Variants in HTR2C observed in about 807,000 individuals in gnomAD.
HTR2C encodes 5-hydroxytryptamine (serotonin) receptor 2C, G protein-coupled.
In HTR2C, 5 loss-of-function variants were observed where a neutral mutation model predicts 21.0. The observed-to-expected ratio is 0.24, with a 90% CI of 0.12 to 0.50. The LOEUF (loss-of-function observed/expected upper bound fraction) is 0.50. Among genes scored for constraint, HTR2C ranks in the 20% least tolerant of loss-of-function variants. The pLI is 0.98. For missense variants in HTR2C, 271 were observed against 371.2 expected, an observed-to-expected ratio of 0.73 and a Z score of 2.22; for synonymous variants, 150 against 145.3, an observed-to-expected ratio of 1.03 and a Z score of -0.23.
chrX:114,635,429 G>C (rs1215486254), intron 2 of HTR2C, among the ~76,000 whole-genome samples: 1 of 111,676 alleles, frequency 9.0e-6, no homozygotes, highest in African/African-American at 3.3e-5. Context: ...GGTCTACAGC[G>C]GATCAATCAA....
intron 2 of HTR2C, among the ~76,000 whole-genome samples, chrX:114,645,029 C>A (rs1930310830): frequency 9.1e-6 from 1 of 110,324 alleles, no homozygotes; most frequent in East Asian, 2.9e-4. Context: ...TTATGGGCAA[C>A]TGGAAGGAAA....
chrX:114,870,409 T>C (rs1481049933), intron 5 of HTR2C, among the ~76,000 whole-genome samples: 1 of 111,319 alleles, frequency 9.0e-6, no homozygotes, highest in Non-Finnish European at 1.9e-5. Flanking sequence ...GTGTCTGTCT[T>C]TTTTTGGTAT....
At chrX:114,782,477 G>C (rs1287802926) in intron 4 of HTR2C, among the ~76,000 whole-genome samples, 1 of 111,562 alleles carries the variant, frequency 9.0e-6, no homozygotes, top group Non-Finnish European at 1.9e-5. Context: ...AACACTTTGG[G>C]AGGCCAACGT....
At chrX:114,847,857 A>G in intron 4 of HTR2C, 146 bp from the exon 5 acceptor site, 1 of 444,208 alleles carries the variant, frequency 2.3e-6, no homozygotes, top group Non-Finnish European at 3.9e-6. Context: ...GATCACCATC[A>G]TCATCCCTAT....
chrX:114,730,257 C>A (rs2069522945), intron 3 of HTR2C, among the ~76,000 whole-genome samples: 1 of 112,001 alleles, frequency 8.9e-6, no homozygotes, highest in African/African-American at 3.2e-5. Flanking sequence ...ATGACAACCA[C>A]ATCCATCTCT....
chrX:114,689,208 G>GTATATATATATATATATATATATA lies in HTR2C; in HGVS notation c.-79-37627_-79-37626insATATATATATATATATATATATAT, dbSNP rs58916694. Among the ~76,000 whole-genome samples the GTATATATATATATATATATATATA allele has an allele frequency of 1.0e-3, 75 of 72,667 alleles. 1 individual carries two copies. Among genetic ancestry groups the GTATATATATATATATATATATATA allele is most frequent in the African/African-American group, 2.1e-3 (39 of 18,478 alleles). The allele number at this position is 72,667 out of a possible 115,157, so 63.1% of individuals were successfully genotyped here. On this transcript the variant is annotated intron_variant, in intron 2 of 5. Transcript: ENST00000276198. Reference sequence around the variant, plus strand: ...GAGTAGTATTCCATGGTATGTATGCGTATATATATATATATATATATATCA... The same window carrying GTATATATATATATATATATATATA: ...GAGTAGTATTCCATGGTATGTATGCGTATATATATATATATATATATATATATATATATATATATATATATATCA...
rs782115060 is a variant in HTR2C at position 114,893,378 on chromosome X, T to A, written c.551-13211T>A. 4.4e-4 allele frequency among the ~76,000 whole-genome samples: 49 copies of A among 111,693 alleles called. 1 individual carries two copies. The South Asian group carries it at 0.017, about 38-fold the overall frequency. On this transcript the variant is annotated intron_variant, in intron 5 of 5. Transcript: ENST00000276198. Reference sequence around the variant, plus strand: ...TAAAGAAATAAATCAATGCAATTTTTAAAAAATAGTCCAGAAATATACTCA... The same window carrying A: ...TAAAGAAATAAATCAATGCAATTTTAAAAAAATAGTCCAGAAATATACTCA...
intron 2 of HTR2C, among the ~76,000 whole-genome samples, chrX:114,724,771 A>C (rs1362927747): frequency 1.0e-5 from 1 of 100,439 alleles, no homozygotes; most frequent in Non-Finnish European, 2.0e-5. Context: ...TCCTTCACTT[A>C]TGAAGCTTAA....
intron 4 of HTR2C, among the ~76,000 whole-genome samples, chrX:114,805,717 T>TAC (rs1276750083): frequency 7.7e-5 from 2 of 25,980 alleles, no homozygotes; most frequent in Non-Finnish European, 1.5e-4. Context: ...ACCATATATA[T>TAC]ACCATATATA....
chrX:114,710,605 C>G (rs904302211), intron 2 of HTR2C, among the ~76,000 whole-genome samples: 4 of 111,683 alleles, frequency 3.6e-5, no homozygotes, highest in Non-Finnish European at 5.7e-5. Context: ...TCTCACATCA[C>G]TTGGTGTATA....
At position 114,652,514 on chromosome X, in the gene HTR2C, G is replaced by T. The variant is rs149004315; in HGVS notation, c.-80+38633G>T. On this transcript the variant is annotated intron_variant, in intron 2 of 5. Coordinates refer to ENST00000276198, the MANE Select transcript of HTR2C (RefSeq NM_000868.4). The stretch of plus-strand genomic sequence containing the variant: ...GGTGGGAAATGGATTTATATAGAAA[G>T]AAACATTTTAATACATGCTGATTAG... The T allele has an allele frequency of 8.4e-3, 2,259 of 268,771 alleles. 60 individuals carry two copies. The highest frequency in any genetic ancestry group is 0.062 in the African/African-American group (2,107 of 34,056). 22.1% of individuals were successfully genotyped at this position (268,771 alleles called of 1,213,427 possible).
intron 2 of HTR2C, among the ~76,000 whole-genome samples, chrX:114,721,537 C>A (rs1166088889): frequency 2.0e-5 from 2 of 98,599 alleles, no homozygotes; most frequent in Admixed American, 1.1e-4. Context: ...TCCCATTTGT[C>A]AATTTTGTCT....
At chrX:114,780,970 T>C (rs1200301901) in intron 4 of HTR2C, among the ~76,000 whole-genome samples, 1 of 111,465 alleles carries the variant, frequency 9.0e-6, no homozygotes, top group Non-Finnish European at 1.9e-5. Flanking sequence ...GATGAAAAAT[T>C]TCTACAGGGA....
intron 5 of HTR2C, among the ~76,000 whole-genome samples, chrX:114,854,313 A>C (rs1327939921): frequency 8.9e-6 from 1 of 111,776 alleles, no homozygotes; most frequent in Non-Finnish European, 1.9e-5. Flanking sequence ...TAACAATAGT[A>C]AATCCATTAC....
chrX:114,885,195 AAATAT>A (rs1281383797), intron 5 of HTR2C, among the ~76,000 whole-genome samples: 1 of 112,023 alleles, frequency 8.9e-6, no homozygotes, highest in Non-Finnish European at 1.9e-5. Flanking sequence ...GTATATACAT[AAATAT>A]AATAAAAATT....
At chrX:114,816,766 G>T (rs150720652) in intron 4 of HTR2C, among the ~76,000 whole-genome samples, 2,010 of 110,342 alleles carry the variant, frequency 0.018, 49 homozygotes, top group African/African-American at 0.063. Flanking sequence ...GATAAATGAA[G>T]CATCAAAATC....
At chrX:114,859,368 G>A (rs186167506) in intron 5 of HTR2C, among the ~76,000 whole-genome samples, 1 of 110,699 alleles carries the variant, frequency 9.0e-6, no homozygotes, top group East Asian at 2.8e-4. Context: ...ATGTGTAAAG[G>A]TTCTTAATTA....
At chrX:114,626,404 A>G (rs1194085913) in intron 2 of HTR2C, among the ~76,000 whole-genome samples, 14 of 102,064 alleles carry the variant, frequency 1.4e-4, no homozygotes, top group Admixed American at 1.1e-3. Context: ...AAAAAAAAGA[A>G]AAAAAGAAAG....
intron 1 of HTR2C, among the ~76,000 whole-genome samples, chrX:114,607,005 C>T (rs1362182643): frequency 9.3e-6 from 1 of 107,310 alleles, no homozygotes; most frequent in South Asian, 4.0e-4. Context: ...TCGCAAGGTG[C>T]TCAGTGGGGG....
Sources: gnomAD v4.1 joint callset for allele counts (sites outside exome capture counted in the v4.1 genomes callset) on GRCh38, gnomAD v4.1.1 for gene constraint, MANE v1.5 for transcripts, NCBI Gene and HGNC (gene_info 2026-07-23, HGNC 2026-07-21) for gene names.